The following TARS3 variants were observed in gnomAD, a reference collection of about 807,000 sequenced individuals.
TARS3 encodes threonyl-tRNA synthetase 3.
A neutral mutation model predicts 103.5 loss-of-function variants in TARS3; 94 were observed. That is an observed-to-expected ratio of 0.91 (90% CI 0.77 to 1.08). TARS3 has a LOEUF of 1.08. Among genes scored for constraint, TARS3 ranks in the 50% least tolerant of loss-of-function variants. TARS3 has a pLI of 0.00. For missense variants in TARS3, 952 were observed against 995.2 expected, an observed-to-expected ratio of 0.96 and a Z score of 0.58; for synonymous variants, 416 against 355.4, an observed-to-expected ratio of 1.17 and a Z score of -1.92.
chr15:101,688,361 G>A (rs1898564335), intron 10 of TARS3, among the ~76,000 whole-genome samples: 1 of 152,040 alleles, frequency 6.6e-6, no homozygotes, highest in African/African-American at 2.4e-5. Flanking sequence ...TCTAATGCTG[G>A]GAAAGAGTAA....
chr15:101,715,260 C>T (rs1161492553), intron 3 of TARS3, among the ~76,000 whole-genome samples: 1 of 150,304 alleles, frequency 6.7e-6, no homozygotes, highest in Non-Finnish European at 1.5e-5. Flanking sequence ...CATTCTCCTG[C>T]CTCAGCCTCC....
rs1373011072 is a variant in TARS3, at chr15:101,653,835, C to T, written c.*747G>A. On this transcript the variant is annotated 3_prime_UTR_variant, in exon 19 of 19. Coordinates refer to ENST00000335968, the MANE Select transcript of TARS3 (RefSeq NM_152334.3). ...TCTCTTTAAAATCTGAAATCCATTT[C>T]AGTACATAAATCCATGGAATGTCAT... 2 of 152,180 alleles carry T rather than the reference C, an allele frequency of 1.3e-5. No individual in the cohort carries two copies. The highest frequency in any genetic ancestry group is 1.5e-5 in the Non-Finnish European group (1 of 68,034). The allele number at this position is 152,180 out of a possible 1,614,324, so 9.4% of individuals were successfully genotyped here. A position where few individuals can be genotyped will look rare whatever the true frequency, so the allele number is the denominator to read the frequency against.
intron 12 of TARS3, among the ~76,000 whole-genome samples, chr15:101,677,500 G>GC (rs1164483316): frequency 1.0e-5 from 1 of 96,308 alleles, no homozygotes; most frequent in African/African-American, 4.3e-5. Context: ...TAGTTCTCCA[G>GC]CTTTTTTTTT....
chr15:101,706,124 A>G (rs987926247), intron 6 of TARS3, among the ~76,000 whole-genome samples: 1 of 152,082 alleles, frequency 6.6e-6, no homozygotes, highest in Non-Finnish European at 1.5e-5. Flanking sequence ...CCATGCCTGT[A>G]TTGTATTTTT....
intron 13 of TARS3, among the ~76,000 whole-genome samples, chr15:101,675,070 T>A (rs1897967377): frequency 6.6e-6 from 1 of 151,690 alleles, no homozygotes; most frequent in African/African-American, 2.4e-5. Flanking sequence ...ATATCCTTTG[T>A]GTTTATTAAG....
rs1427196216 is a variant in TARS3, at chr15:101,702,263, G to C, written c.1197C>G (p.Asn399Lys). 3.7e-6 allele frequency: 6 copies of C among 1,614,132 alleles called. No homozygotes were observed. The highest frequency in any genetic ancestry group is 1.6e-4 in the Middle Eastern group (1 of 6,062). The change falls in exon 9 of 19, where the codon AAC (asparagine) becomes AAG (lysine). Residue 399 changes from asparagine (N) to lysine (K), a missense_variant. Around this residue, in one of 2 missense-constraint regions of TARS3, gnomAD observed 540 missense variants for 631.0 expected, o/e 0.86. Coordinates refer to ENST00000335968, the MANE Select transcript of TARS3 (RefSeq NM_152334.3). ...DWEKFQEEAK[N>K]RDHRKIGKEQ... is the part of the protein sequence containing the mutation. ...CCTTCCCGATCTTCCTGTGATCTCG[G>C]TTCTTTGCTTCCTCTTGGAACTTTT... is the stretch of plus-strand genomic sequence containing the variant.
chr15:101,722,558 G>A (rs1167419026), intron 2 of TARS3, among the ~76,000 whole-genome samples: 1 of 140,994 alleles, frequency 7.1e-6, no homozygotes, highest in Non-Finnish European at 1.5e-5. Flanking sequence ...TGTAATCCCA[G>A]CACTTTGGGA....
chr15:101,683,501 GAACA>G (rs1898338260), intron 12 of TARS3, among the ~76,000 whole-genome samples: 1 of 152,132 alleles, frequency 6.6e-6, no homozygotes, highest in Non-Finnish European at 1.5e-5. Context: ...CAATTTCAAA[GAACA>G]AATACTCTGA....
At chr15:101,720,987 T>C (rs1900425625) in intron 3 of TARS3, 139 bp downstream of exon 3, 2 of 753,232 alleles carry the variant, frequency 2.7e-6, no homozygotes, top group Admixed American at 5.1e-5. Flanking sequence ...CTTCTTCCTT[T>C]ATAAATAACC....
At chr15:101,723,201 A>C in intron 1 of TARS3, 37 bp from the exon 2 acceptor site, 1 of 1,568,282 alleles carries the variant, frequency 6.4e-7, no homozygotes, top group Non-Finnish European at 8.8e-7. Flanking sequence ...CATCAATGGC[A>C]AGAAAAAGCA....
chr15:101,682,940 C>A (rs1052575195), intron 12 of TARS3, among the ~76,000 whole-genome samples: 1 of 152,110 alleles, frequency 6.6e-6, no homozygotes, highest in African/African-American at 2.4e-5. Flanking sequence ...ATAAAACTGC[C>A]TTATCTTTTT....
At position 101,712,377 on chromosome 15, in the gene TARS3, C is replaced by A. The variant is rs542868938; in HGVS notation, c.691-376G>T. ...AGAGTAGGAGGAAGGCCGAGGAGTG[C>A]CAGATGCTAGCTGTCTTCTTTTTCT... On this transcript the variant is annotated intron_variant, in intron 4 of 18. Coordinates refer to ENST00000335968, the MANE Select transcript of TARS3 (RefSeq NM_152334.3). 1.4e-4 allele frequency among the ~76,000 whole-genome samples: 22 copies of A among 152,280 alleles called. No homozygotes were observed. The East Asian group carries it at 3.3e-3, about 23-fold the overall frequency.
intron 3 of TARS3, among the ~76,000 whole-genome samples, chr15:101,716,005 T>C (rs1470378869): frequency 6.6e-6 from 1 of 151,962 alleles, no homozygotes; most frequent in Non-Finnish European, 1.5e-5. Context: ...TTATGAACTA[T>C]CCGCTTCCTT....
Position 101,724,234 on chromosome 15 carries a change from G to C in TARS3, c.154C>G (p.Arg52Gly), listed in dbSNP as rs1194095546. Residue 52 changes from arginine to glycine, a missense_variant, in exon 1 of 19, where the codon CGG (arginine) becomes GGG (glycine). Transcript: ENST00000335968. ...SCQAEGPCLTREVAQLRAENC... is the reference protein window; with the variant it reads ...SCQAEGPCLTGEVAQLRAENC... ...TCGGCCCGGAGCTGCGCCACCTCCC[G>C]CGTGAGGCACGGCCCCTCCGCCTGG... The C allele has an allele frequency of 6.4e-7, 1 of 1,550,412 alleles. No homozygotes were observed. Among genetic ancestry groups the C allele is most frequent in the East Asian group, 2.5e-5 (1 of 40,724 alleles).
chr15:101,694,870 G>C (rs1898891457), intron 10 of TARS3, among the ~76,000 whole-genome samples: 1 of 152,198 alleles, frequency 6.6e-6, no homozygotes, highest in South Asian at 2.1e-4. Context: ...AGAAACTAGA[G>C]TGGTGGTTAC....
chr15:101,715,791 T>C (rs62027625), intron 3 of TARS3, among the ~76,000 whole-genome samples: 4,127 of 152,316 alleles, frequency 0.027, 81 homozygotes, highest in South Asian at 0.046. Context: ...ATCTTGCGAC[T>C]TCTGTGACTG....
intron 13 of TARS3, among the ~76,000 whole-genome samples, chr15:101,671,958 A>C (rs1192625442): frequency 4.6e-5 from 7 of 152,166 alleles, no homozygotes; most frequent in African/African-American, 1.7e-4. Flanking sequence ...TAAACATTTC[A>C]ACTGGGGAGA....
chr15:101,656,291 A>C (rs1333579452), intron 18 of TARS3, among the ~76,000 whole-genome samples: 1 of 152,234 alleles, frequency 6.6e-6, no homozygotes, highest in Admixed American at 6.5e-5. Context: ...GTCAAACATT[A>C]TCATTGAAAC....
chr15:101,719,315 C>G (rs1900324844), intron 3 of TARS3, among the ~76,000 whole-genome samples: 1 of 152,232 alleles, frequency 6.6e-6, no homozygotes, highest in Non-Finnish European at 1.5e-5. Flanking sequence ...TGCTAGAATA[C>G]AAGTGGTCAG....
Sources: allele counts gnomAD v4.1 joint callset (sites outside exome capture counted in the v4.1 genomes callset), GRCh38; gene constraint gnomAD v4.1.1; regional missense constraint gnomAD v4.1.1; transcripts MANE v1.5; gene names NCBI Gene and HGNC (gene_info 2026-07-23, HGNC 2026-07-21).